Variants in PTPN23 observed in about 807,000 individuals in gnomAD.
The protein encoded by PTPN23 is tyrosine-protein phosphatase non-receptor type 23.
PTPN23 carries 72 observed loss-of-function variants against 156.3 expected under a neutral mutation model. The observed-to-expected ratio is 0.46, with a 90% CI of 0.38 to 0.56. The LOEUF (loss-of-function observed/expected upper bound fraction) is 0.56. PTPN23 is among the 20% of genes least tolerant of loss of function. The probability of loss-of-function intolerance (pLI) is 0.00; values close to 1 mark genes in which losing one functional copy is unlikely to be tolerated. For missense variants in PTPN23, 1,974 were observed against 2,171.5 expected, an observed-to-expected ratio of 0.91 and a Z score of 1.81; for synonymous variants, 957 against 899.6, an observed-to-expected ratio of 1.06 and a Z score of -1.14.
At chr3:47,401,387 T>C (rs893947865) in intron 2 of PTPN23, among the ~76,000 whole-genome samples, 1 of 151,976 alleles carries the variant, frequency 6.6e-6, no homozygotes, top group African/African-American at 2.4e-5. Flanking sequence ...TTGTATTTTT[T>C]GTAGAGGCGG....
intron 1 of PTPN23, among the ~76,000 whole-genome samples, chr3:47,387,344 A>ATCAG (rs1396114920): frequency 6.7e-6 from 1 of 148,762 alleles, no homozygotes; most frequent in Non-Finnish European, 1.5e-5. Flanking sequence ...AGGCAGGAGG[A>ATCAG]TCAGTCAAGA....
Position 47,411,708 on chromosome 3 carries a change from C to T in PTPN23, c.3888+22C>T. ...GAAGGTGAGAAGAGGGGGTGGGTGC[C>T]CACGAGGGCAGTGTGGGGTGGCAGG... On this transcript the variant is annotated intron_variant, in intron 20 of 24. Coordinates refer to ENST00000265562, the MANE Select transcript of PTPN23 (RefSeq NM_015466.4). This position sits in a 1 kb window ranked among gnomAD's most constrained non-coding sequence, Gnocchi z 6.3. The T allele has an allele frequency of 6.3e-7, 1 of 1,596,456 alleles. No homozygotes were observed. The highest frequency in any genetic ancestry group is 8.6e-7 in the Non-Finnish European group (1 of 1,168,006).
chr3:47,399,929 C>T (rs1203788010), intron 2 of PTPN23, among the ~76,000 whole-genome samples: 2 of 152,166 alleles, frequency 1.3e-5, no homozygotes, highest in East Asian at 1.9e-4. Flanking sequence ...ATCCTCCTAC[C>T]TCAGCCTCCT....
At chr3:47,391,885 T>G (rs537441274) in intron 1 of PTPN23, among the ~76,000 whole-genome samples, 1 of 152,254 alleles carries the variant, frequency 6.6e-6, no homozygotes, top group East Asian at 1.9e-4. Context: ...TAAAAAATAT[T>G]TTAGTTAATT....
At chr3:47,397,963 G>A (rs901312400) in intron 2 of PTPN23, among the ~76,000 whole-genome samples, 4 of 151,986 alleles carry the variant, frequency 2.6e-5, no homozygotes, top group Admixed American at 1.3e-4. Context: ...GAGCCACCGC[G>A]CCCCGCCTGG....
chr3:47,394,984 A>G (rs1704848708), intron 1 of PTPN23, among the ~76,000 whole-genome samples: 1 of 152,220 alleles, frequency 6.6e-6, no homozygotes, highest in African/African-American at 2.4e-5. Context: ...CAACAGAAGA[A>G]CCAGGGTTAG....
chr3:47,396,341 G>C, intron 2 of PTPN23, 124 bp downstream of exon 2: 1 of 624,200 alleles, frequency 1.6e-6, no homozygotes, highest in Non-Finnish European at 2.7e-6. Context: ...TTGGGAGGCC[G>C]AGGTGGGCAG....
At position 47,410,041 on chromosome 3, in the gene PTPN23, TC is replaced by T; in HGVS notation, c.2249del (p.Pro750LeufsTer53). On this transcript the variant is annotated frameshift_variant, in exon 20 of 25. Transcript: ENST00000265562. LOFTEE classifies it high-confidence loss of function. ...GACCCCCCTGAGGAGCTGCGCAGCC[TC>T]CCCCCTGACATGGTGGCTGGCCCAC... ...AGDPPEELRS[L>X]PPDMVAGPRL... is the part of the protein sequence containing the mutation. 1.2e-6 allele frequency: 2 copies of T among 1,610,732 alleles called. No homozygotes were observed. The highest frequency in any genetic ancestry group is 1.7e-6 in the Non-Finnish European group (2 of 1,178,718).
Position 47,407,531 on chromosome 3 carries a change from A to G in PTPN23, c.950A>G (p.Asp317Gly), listed in dbSNP as rs1050603691. ...TACAATTCTGCCAAGAAGGACAACG[A>G]CTTCATTTACCATGAGGCTGTCCCA... ...GKYNSAKKDN[D>G]FIYHEAVPAL... is the part of the protein sequence containing the mutation. Residue 317 changes from aspartate to glycine, a missense_variant, in exon 12 of 25, where the codon GAC (aspartate) becomes GGC (glycine). Asp to Gly is a moderately conservative substitution (Grantham distance 94). Transcript: ENST00000265562. This position sits in a 1 kb window ranked among gnomAD's most constrained non-coding sequence, Gnocchi z 4.0. 2 of 1,613,846 alleles carry G rather than the reference A, an allele frequency of 1.2e-6. No homozygotes were observed. Among genetic ancestry groups the G allele is most frequent in the Non-Finnish European group, 1.7e-6 (2 of 1,179,958 alleles).
chr3:47,402,895 G>A (rs1176444185), intron 2 of PTPN23, among the ~76,000 whole-genome samples: 10 of 151,872 alleles, frequency 6.6e-5, no homozygotes, highest in Non-Finnish European at 2.9e-5. Flanking sequence ...TAGTAGAGAC[G>A]GGGTTTCACC....
chr3:47,381,834 G>A (rs968514956), intron 1 of PTPN23, among the ~76,000 whole-genome samples: 6 of 152,210 alleles, frequency 3.9e-5, no homozygotes, highest in African/African-American at 1.4e-4. Flanking sequence ...GTGTTGTAGA[G>A]CTCAGAGAAA....
chr3:47,390,500 TTC>T (rs1203450955), intron 1 of PTPN23, among the ~76,000 whole-genome samples: 45 of 152,158 alleles, frequency 3.0e-4, no homozygotes, highest in African/African-American at 1.1e-3. Flanking sequence ...GGGCCTCTGG[TTC>T]TTTCTCCTCG....
In PTPN23 at chr3:47,407,646, T is replaced by C. The variant is rs1705161178; in HGVS notation, c.1004-51T>C. The C allele has an allele frequency of 6.2e-7, 1 of 1,606,498 alleles. No individual in the cohort carries two copies. The highest frequency in any genetic ancestry group is 8.5e-7 in the Non-Finnish European group (1 of 1,173,356). ...GGGGTGGGGACAGGACACAGGAGGCTGCCTCAAGGACTCTGCGTGGGCCTG... is the reference window on the plus strand; with the variant it reads ...GGGGTGGGGACAGGACACAGGAGGCCGCCTCAAGGACTCTGCGTGGGCCTG... On this transcript the variant is annotated intron_variant, in intron 12 of 24. Coordinates refer to ENST00000265562, the MANE Select transcript of PTPN23 (RefSeq NM_015466.4). The surrounding 1 kb of genome is among the most constrained non-coding windows in gnomAD (Gnocchi z 4.0).
In PTPN23 at chr3:47,413,253, C is replaced by CTG; in HGVS notation, c.*68_*69insTG. ...CTCATGCCCACCTGCCCACACCCAGCAGAGCTTCTCAGTGGGCACAGTCTC... is the reference window on the plus strand; with the variant it reads ...CTCATGCCCACCTGCCCACACCCAGCTGAGAGCTTCTCAGTGGGCACAGTCTC... On this transcript the variant is annotated 3_prime_UTR_variant, in exon 25 of 25. Coordinates refer to ENST00000265562, the MANE Select transcript of PTPN23 (RefSeq NM_015466.4). 1 of 1,531,702 alleles carries CTG rather than the reference C, an allele frequency of 6.5e-7. No individual in the cohort carries two copies. The highest frequency in any genetic ancestry group is 2.3e-5 in the East Asian group (1 of 44,178). 94.9% of individuals were successfully genotyped at this position (1,531,702 alleles called of 1,614,324 possible). A position where few individuals can be genotyped will look rare whatever the true frequency, so the allele number is the denominator to read the frequency against.
Position 47,394,886 on chromosome 3 carries a change from G to GT in PTPN23, c.85-1257_85-1256insT, listed in dbSNP as rs1342553985. ...AATTCTGGCCACTTGGTAAGGGACGGATTTGAAGGGGTGGGTTGTCCAGGA... is the reference window on the plus strand; with the variant it reads ...AATTCTGGCCACTTGGTAAGGGACGGTATTTGAAGGGGTGGGTTGTCCAGGA... On this transcript the variant is annotated intron_variant, in intron 1 of 24. Transcript: ENST00000265562. 2.0e-5 allele frequency among the ~76,000 whole-genome samples: 3 copies of GT among 152,284 alleles called. No homozygotes were observed. The East Asian group carries it at 5.8e-4, about 29-fold the overall frequency.
At position 47,409,776 on chromosome 3, in the gene PTPN23, G is replaced by C. The variant is rs775821845; in HGVS notation, c.2071G>C (p.Glu691Gln). 6 of 1,608,186 alleles carry C rather than the reference G, an allele frequency of 3.7e-6. No homozygotes were observed. The highest frequency in any genetic ancestry group is 3.4e-6 in the Non-Finnish European group (4 of 1,179,480). The change falls in exon 19 of 25, where the codon GAG becomes CAG. Residue 691 changes from glutamate (E) to glutamine (Q), a missense_variant. Glu to Gln is a conservative substitution (Grantham distance 29). This residue lies in a region of PTPN23 where 726 missense variants were observed against 929.5 expected (regional missense o/e 0.78). Coordinates refer to ENST00000265562, the MANE Select transcript of PTPN23 (RefSeq NM_015466.4). ...GGAGAGCAAGGTGGCTGCTCTGCTG[G>C]AGCGCACGCAGTCCACCTGCCAGGC... ...DLESKVAALL[E>Q]RTQSTCQARE... is the part of the protein sequence containing the mutation.
chr3:47,403,290 G>T (rs2107711305), intron 2 of PTPN23, among the ~76,000 whole-genome samples: 1 of 152,092 alleles, frequency 6.6e-6, no homozygotes, highest in Admixed American at 6.5e-5. Flanking sequence ...CTGACCTCGT[G>T]ATCCTCCCGC....
At chr3:47,403,966 C>T (rs968725295) in intron 2 of PTPN23, among the ~76,000 whole-genome samples, 4 of 152,170 alleles carry the variant, frequency 2.6e-5, no homozygotes, top group African/African-American at 9.7e-5. Context: ...TGTGGCAGCT[C>T]ACACCTTTAA....
At chr3:47,404,440 T>TAAAAAAAAA (rs1705073448) in intron 2 of PTPN23, among the ~76,000 whole-genome samples, 1 of 144,038 alleles carries the variant, frequency 6.9e-6, no homozygotes, top group Non-Finnish European at 1.5e-5. Flanking sequence ...AAGGAAAAAC[T>TAAAAAAAAA]ATGTGGGATA....
Sources: gnomAD v4.1 joint callset for allele counts (sites outside exome capture counted in the v4.1 genomes callset) on GRCh38, gnomAD v4.1.1 for gene constraint, gnomAD v4.1.1 regional missense constraint, Gnocchi (gnomAD v3.1) non-coding constraint, MANE v1.5 for transcripts, NCBI Gene and HGNC (gene_info 2026-07-23, HGNC 2026-07-21) for gene names.